Variants in ZFHX3 observed in about 807,000 individuals in gnomAD.
ZFHX3 encodes the protein zinc finger homeobox 3, also known as zinc finger homeobox protein 3.
A neutral mutation model predicts 279.1 loss-of-function variants in ZFHX3; 42 were observed. That is an observed-to-expected ratio of 0.15 (90% CI 0.12 to 0.19). The LOEUF is 0.19. Among genes scored for constraint, ZFHX3 ranks in the 10% least tolerant of loss-of-function variants. The pLI, the probability that ZFHX3 is intolerant of heterozygous loss-of-function variation, is 1.00. For synonymous variants in ZFHX3, 2,293 were observed against 1,957.8 expected (o/e 1.17, Z -4.52); for missense variants, 4,981 against 4,754.0 (o/e 1.05, Z -1.40).
At chr16:73,515,106 G>A (rs78290833) in intron 2 of ZFHX3, among the ~76,000 whole-genome samples, 3 of 152,292 alleles carry the variant, frequency 2.0e-5, no homozygotes, top group African/African-American at 7.2e-5. Flanking sequence ...TCTTGCACAG[G>A]CCAGGAAATG....
intron 4 of ZFHX3, among the ~76,000 whole-genome samples, chr16:73,276,946 C>A (rs1259822497): frequency 6.6e-6 from 1 of 152,208 alleles, no homozygotes; most frequent in Non-Finnish European, 1.5e-5. Context: ...AGGAATTTCT[C>A]CCCATTAGAA....
chr16:73,751,949 C>A (rs1192045955), intron 1 of ZFHX3, among the ~76,000 whole-genome samples: 1 of 152,104 alleles, frequency 6.6e-6, no homozygotes, highest in African/African-American at 2.4e-5. Flanking sequence ...CCAGGTCAAT[C>A]GGGTTATTCT....
intron 1 of ZFHX3, among the ~76,000 whole-genome samples, chr16:73,748,499 C>T (rs2053724752): frequency 6.6e-6 from 1 of 151,864 alleles, no homozygotes; most frequent in African/African-American, 2.4e-5. Flanking sequence ...TTAAGACTTA[C>T]ACTCTATTTC....
chr16:73,126,302 C>T (rs1224323438), intron 7 of ZFHX3, among the ~76,000 whole-genome samples: 3 of 152,008 alleles, frequency 2.0e-5, no homozygotes, highest in African/African-American at 7.2e-5. Context: ...AGGCAATCAG[C>T]GAGAGGATAC....
At chr16:73,747,234 A>G (rs1410533287) in intron 1 of ZFHX3, among the ~76,000 whole-genome samples, 1 of 152,074 alleles carries the variant, frequency 6.6e-6, no homozygotes, top group Non-Finnish European at 1.5e-5. Context: ...TATAATAAAA[A>G]TTAGCCAGAC....
intron 4 of ZFHX3, among the ~76,000 whole-genome samples, chr16:73,299,807 C>T (rs755169072): frequency 1.3e-5 from 2 of 152,158 alleles, no homozygotes; most frequent in African/African-American, 4.8e-5. Context: ...GAGAAGCATG[C>T]TATATGCTTC....
chr16:73,193,168 A>G (rs1052502467), intron 5 of ZFHX3, among the ~76,000 whole-genome samples: 2 of 152,188 alleles, frequency 1.3e-5, no homozygotes, highest in African/African-American at 4.8e-5. Context: ...TTGGTGGATG[A>G]GACAGCAAAG....
At chr16:72,990,807 C>G (rs1288865107) in intron 1 of ZFHX3, among the ~76,000 whole-genome samples, 2 of 152,188 alleles carry the variant, frequency 1.3e-5, no homozygotes, top group East Asian at 1.9e-4. Flanking sequence ...ATGGCGAAAC[C>G]CTGCCACTAC....
At chr16:73,715,521 C>T (rs997737141) in intron 1 of ZFHX3, among the ~76,000 whole-genome samples, 13 of 148,250 alleles carry the variant, frequency 8.8e-5, no homozygotes, top group African/African-American at 3.3e-4. Flanking sequence ...ACACTGAGGC[C>T]GAAACTTATG....
chr16:73,848,846 A>G (rs1311770680), intron 1 of ZFHX3, among the ~76,000 whole-genome samples: 1 of 152,196 alleles, frequency 6.6e-6, no homozygotes, highest in Non-Finnish European at 1.5e-5. Flanking sequence ...GTCTCTTCTC[A>G]AGTTTTTACT....
intron 1 of ZFHX3, among the ~76,000 whole-genome samples, chr16:73,758,643 T>C (rs2053834572): frequency 6.6e-6 from 1 of 152,198 alleles, no homozygotes; most frequent in Non-Finnish European, 1.5e-5. Flanking sequence ...CTGGTCTGAA[T>C]ACACAGGCGG....
In ZFHX3 at chr16:73,879,131, G is replaced by A. The variant is rs73607323; in HGVS notation, c.-1608+12520C>T. Among the ~76,000 whole-genome samples, 502 of 151,454 alleles carry A rather than the reference G, an allele frequency of 3.3e-3. 2 individuals are homozygous for A. Among genetic ancestry groups the A allele is most frequent in the African/African-American group, 0.012 (475 of 41,304 alleles). On this transcript the variant is annotated intron_variant, in intron 1 of 17. Transcript: ENST00000641206. ...ACCCAGAAAAATAATCACCAGCAGC[G>A]AGCGACCTTGGGGTCCTTTTCTGCA... is the stretch of plus-strand genomic sequence containing the variant.
chr16:73,504,334 G>C (rs1333126207), intron 2 of ZFHX3: 1 of 152,168 alleles, frequency 6.6e-6, no homozygotes, highest in Non-Finnish European at 1.5e-5. Flanking sequence ...TTTTTTGAAA[G>C]GGGAAAACCA....
At chr16:73,331,025 C>T (rs753212312) in intron 3 of ZFHX3, among the ~76,000 whole-genome samples, 1 of 152,050 alleles carries the variant, frequency 6.6e-6, no homozygotes, top group African/African-American at 2.4e-5. Context: ...GAAAAAATAC[C>T]CAAGACTGGG....
chr16:72,952,733 A>G (rs1957950322), intron 2 of ZFHX3, among the ~76,000 whole-genome samples: 1 of 152,236 alleles, frequency 6.6e-6, no homozygotes, highest in Non-Finnish European at 1.5e-5. Flanking sequence ...ACTGCCCTGC[A>G]TAAACCGGGT....
intron 4 of ZFHX3, among the ~76,000 whole-genome samples, chr16:72,830,091 G>A (rs956834061): frequency 6.6e-6 from 1 of 152,208 alleles, no homozygotes; most frequent in African/African-American, 2.4e-5. Flanking sequence ...ACTCGCTCCA[G>A]ATGTGTGGCC....
At chr16:73,298,960 A>G (rs1191501344) in intron 4 of ZFHX3, among the ~76,000 whole-genome samples, 1 of 152,256 alleles carries the variant, frequency 6.6e-6, no homozygotes, top group Non-Finnish European at 1.5e-5. Context: ...ATCTCAAACA[A>G]CACCAGTATC....
chr16:73,701,209 T>C (rs2053243073), intron 1 of ZFHX3, among the ~76,000 whole-genome samples: 1 of 152,248 alleles, frequency 6.6e-6, no homozygotes, highest in South Asian at 2.1e-4. Context: ...CATCTGTTAT[T>C]TGAAAATAAA....
In ZFHX3 at chr16:72,797,278, T is replaced by C. The variant is rs775494151; in HGVS notation, c.5404A>G (p.Ile1802Val). 4 of 1,610,590 alleles carry C rather than the reference T, an allele frequency of 2.5e-6. No individual in the cohort carries two copies. The highest frequency in any genetic ancestry group is 1.7e-5 in the Admixed American group (1 of 59,818). The stretch of plus-strand genomic sequence containing the variant: ...TTAAGCTGGAACTCAGCACTGGGGA[T>C]GTAGAAAGGGAAGAGGAGGTGCTGC... The part of the protein sequence containing the change: ...QQQHLLFPFY[I>V]PSAEFQLNPE... Residue 1802 changes from isoleucine (I) to valine (V), a missense_variant, in exon 9 of 10, where the codon ATC becomes GTC. Physicochemically the swap from Ile to Val is conservative, Grantham distance 29 (BLOSUM62 3). Around this residue, in one of 7 missense-constraint regions of ZFHX3, gnomAD observed 1,751 missense variants for 1,770.0 expected, o/e 0.99. Transcript: ENST00000268489.
Sources: allele counts gnomAD v4.1 joint callset (sites outside exome capture counted in the v4.1 genomes callset), GRCh38; gene constraint gnomAD v4.1.1; regional missense constraint gnomAD v4.1.1; transcripts MANE v1.5; gene names NCBI Gene and HGNC (gene_info 2026-07-23, HGNC 2026-07-21).